The following SLC43A3 variants were observed in gnomAD, a reference collection of about 807,000 sequenced individuals.
SLC43A3 encodes the protein equilibrative nucleobase transporter 1.
Under a neutral mutation model 53.3 loss-of-function variants are expected in SLC43A3, and 33 were observed. The observed-to-expected ratio is 0.62, with a 90% CI of 0.47 to 0.83. The LOEUF (loss-of-function observed/expected upper bound fraction) is 0.83. Among genes scored for constraint, SLC43A3 ranks in the 40% least tolerant of loss-of-function variants. SLC43A3 has a pLI of 0.00. For synonymous variants in SLC43A3, 236 were observed against 246.2 expected, an observed-to-expected ratio of 0.96 and a Z score of 0.39; for missense variants, 530 against 610.0, an observed-to-expected ratio of 0.87 and a Z score of 1.38.
At chr11:57,412,204 ACT>A (rs1204495643) in intron 11 of SLC43A3, among the ~76,000 whole-genome samples, 1 of 152,176 alleles carries the variant, frequency 6.6e-6, no homozygotes, top group Non-Finnish European at 1.5e-5. Flanking sequence ...AAGTAAGGAA[ACT>A]CTCTAGAAAT....
chr11:57,413,835 C>T (rs1171714807), intron 11 of SLC43A3, among the ~76,000 whole-genome samples: 1 of 152,138 alleles, frequency 6.6e-6, no homozygotes, highest in Non-Finnish European at 1.5e-5. Flanking sequence ...TCTCATTCAC[C>T]ATTTTGACCC....
intron 4 of SLC43A3, 66 bp downstream of exon 4, chr11:57,425,475 A>C: frequency 2.7e-5 from 42 of 1,562,826 alleles, no homozygotes; most frequent in Non-Finnish European, 3.5e-5. Flanking sequence ...ATTTCACTCC[A>C]AGCTAGGCTG....
At chr11:57,420,569 C>T (rs938233166) in intron 7 of SLC43A3, among the ~76,000 whole-genome samples, 9 of 152,204 alleles carry the variant, frequency 5.9e-5, no homozygotes, top group African/African-American at 2.2e-4. Context: ...TCTGTGTCTG[C>T]CCCTGCTGTA....
At chr11:57,421,602 C>T (rs546260593) in intron 5 of SLC43A3, among the ~76,000 whole-genome samples, 2 of 152,304 alleles carry the variant, frequency 1.3e-5, no homozygotes, top group South Asian at 4.1e-4. Context: ...AGTTGGTCCT[C>T]AGTCTGTGGC....
chr11:57,415,099 T>G lies in SLC43A3; in HGVS notation c.777A>C (p.Pro259=). 6.2e-7 allele frequency: 1 copy of G among 1,609,214 alleles called. No homozygotes were observed. Among genetic ancestry groups the G allele is most frequent in the Non-Finnish European group, 8.5e-7 (1 of 1,177,480 alleles). The change falls in exon 10 of 14, where the codon CCA becomes CCC. Residue 259 remains proline, a synonymous_variant. Coordinates refer to ENST00000395124, the MANE Select transcript of SLC43A3 (RefSeq NM_199329.3). ...GGAGTTCCTGCTTCTGCCCTGCCCC[T>G]GGGGTCTCTAATGGGGAGAGGAGGA... is the stretch of plus-strand genomic sequence containing the variant. ...KEFLSAKEET[P]GAGQKQELRS...
rs1943039297 is a variant in SLC43A3 at position 57,422,655 on chromosome 11, T to C, written c.362-1282A>G. ...GACTCCTTTCACAATAGAGTCCTTATGGGCTCAATGCTTTTTTCAAAACTG... is the reference window on the plus strand; with the variant it reads ...GACTCCTTTCACAATAGAGTCCTTACGGGCTCAATGCTTTTTTCAAAACTG... On this transcript the variant is annotated intron_variant, in intron 5 of 13. Transcript: ENST00000395124. Among the ~76,000 whole-genome samples, 3 of 152,236 alleles carry C rather than the reference T, an allele frequency of 2.0e-5. No homozygotes were observed. The South Asian group carries it at 6.2e-4, about 32-fold the overall frequency.
chr11:57,425,487 T>C (rs1943172248), intron 4 of SLC43A3, 54 bp downstream of exon 4: 1 of 1,583,604 alleles, frequency 6.3e-7, no homozygotes, highest in South Asian at 1.1e-5. Context: ...GCTAGGCTGC[T>C]GCCTGAAGGA....
intron 7 of SLC43A3, 70 bp from the exon 8 acceptor site, chr11:57,417,957 G>A: frequency 1.4e-6 from 2 of 1,472,596 alleles, no homozygotes; most frequent in Non-Finnish European, 1.9e-6. Flanking sequence ...AATAGCCAAA[G>A]GATGGAAGCA....
chr11:57,414,419 A>C (rs1198208375), intron 11 of SLC43A3, among the ~76,000 whole-genome samples, 196 bp downstream of exon 11: 1 of 150,466 alleles, frequency 6.6e-6, no homozygotes, highest in Non-Finnish European at 1.5e-5. Flanking sequence ...AGGCAGGAGA[A>C]TCTCTTGAAC....
intron 11 of SLC43A3, 70 bp downstream of exon 11, chr11:57,414,545 A>G: frequency 1.7e-6 from 1 of 572,604 alleles, no homozygotes; most frequent in Non-Finnish European, 3.3e-6. Context: ...GCGAGAGAAG[A>G]TGTCATGGGG....
rs200887731 is a variant in SLC43A3 at position 57,417,870 on chromosome 11, G to T, written c.549C>A (p.Gly183=). 223 of 1,614,158 alleles carry T rather than the reference G, an allele frequency of 1.4e-4. 2 individuals carry two copies. In the South Asian group the frequency reaches 1.9e-3, roughly 14 times the overall value. Residue 183 remains glycine, a synonymous_variant, in exon 8 of 14, where the codon GGC becomes GGA. Transcript: ENST00000395124. ...AGATGAAGGAGGCCCTGAGGCTGAT[G>T]CCTTTTTCATAAAGAAGCTGCAGAA... ...FLIIKLLYEK[G]ISLRASFIFI...
At chr11:57,427,321 C>T (rs765247031), upstream of SLC43A3, 10 of 152,590 alleles carry the variant, frequency 6.6e-5, no homozygotes, top group Non-Finnish European at 1.0e-4. Context: ...CTTTCCCTCC[C>T]TCCTCGCTGC....
chr11:57,408,440 G>C (rs1203564752), intron 13 of SLC43A3: 1 of 155,226 alleles, frequency 6.4e-6, no homozygotes, highest in Non-Finnish European at 1.4e-5. Context: ...GGTGGCACAT[G>C]CCTGTAGTGT....
rs1038235842 is a variant in SLC43A3, at chr11:57,420,958, G to A, written c.531+14C>T. The stretch of plus-strand genomic sequence containing the variant: ...TACAAGTGCCCAGTGAATGTAGGCT[G>A]TTGCTATATTTACCTTAATAATAAG... On this transcript the variant is annotated intron_variant, in intron 7 of 13. Transcript: ENST00000395124. 2.2e-5 allele frequency: 33 copies of A among 1,534,856 alleles called. No homozygotes were observed. The highest frequency in any genetic ancestry group is 6.7e-5 in the East Asian group (3 of 44,522).
At chr11:57,418,814 C>T (rs1304711180) in intron 7 of SLC43A3, among the ~76,000 whole-genome samples, 1 of 151,614 alleles carries the variant, frequency 6.6e-6, no homozygotes, top group Non-Finnish European at 1.5e-5. Flanking sequence ...CGCTTGAACC[C>T]GGGAGGCGGA....
In SLC43A3 at chr11:57,420,861, G is replaced by A. The variant is rs149431120; in HGVS notation, c.531+111C>T. On this transcript the variant is annotated intron_variant, in intron 7 of 13. Coordinates refer to ENST00000395124, the MANE Select transcript of SLC43A3 (RefSeq NM_199329.3). ...CAAATGCTTCATCTGTAAAATGGGGGTAACACAGTACCTACCTCACCGAGT... is the reference window on the plus strand; with the variant it reads ...CAAATGCTTCATCTGTAAAATGGGGATAACACAGTACCTACCTCACCGAGT... 12 of 733,782 alleles carry A rather than the reference G, an allele frequency of 1.6e-5. No homozygotes were observed. The East Asian group carries it at 2.8e-4, about 17-fold the overall frequency. The allele number at this position is 733,782 out of a possible 1,614,324, so 45.5% of individuals were successfully genotyped here.
At chr11:57,425,857 G>T in intron 3 of SLC43A3, 132 bp downstream of exon 3, 1 of 1,336,884 alleles carries the variant, frequency 7.5e-7, no homozygotes, top group South Asian at 1.4e-5. Context: ...CCCAGATCAA[G>T]TGGGGTGAGA....
chr11:57,414,155 A>G (rs1038002534), intron 11 of SLC43A3, among the ~76,000 whole-genome samples: 1 of 152,270 alleles, frequency 6.6e-6, no homozygotes, highest in Non-Finnish European at 1.5e-5. Context: ...TGGCTGACAC[A>G]TAACTATCAC....
intron 9 of SLC43A3, 109 bp downstream of exon 9, chr11:57,416,464 G>A: frequency 3.8e-6 from 3 of 789,188 alleles, no homozygotes; most frequent in Non-Finnish European, 6.4e-6. Flanking sequence ...TTTCTGTCCT[G>A]CCTTTCCTGA....
Sources: allele counts gnomAD v4.1 joint callset (sites outside exome capture counted in the v4.1 genomes callset), GRCh38; gene constraint gnomAD v4.1.1; transcripts MANE v1.5; gene names NCBI Gene and HGNC (gene_info 2026-07-23, HGNC 2026-07-21).